The following ZFAND3 variants were observed in gnomAD, a reference collection of about 807,000 sequenced individuals.
ZFAND3 encodes the protein zinc finger AN1-type containing 3, also known as AN1-type zinc finger protein 3.
Under a neutral mutation model 29.6 loss-of-function variants are expected in ZFAND3, and 10 were observed. The ratio of observed to expected loss-of-function variants is 0.34; its 90% CI spans 0.21 to 0.57. The LOEUF is 0.57. Ranked by LOEUF, ZFAND3 falls within the 20% of genes least tolerant of loss-of-function variation. The pLI, the probability that ZFAND3 is intolerant of heterozygous loss-of-function variation, is 0.86. For missense variants in ZFAND3, 230 were observed against 304.5 expected, an observed-to-expected ratio of 0.76 and a Z score of 1.82; for synonymous variants, 128 against 112.6, an observed-to-expected ratio of 1.14 and a Z score of -0.87.
chr6:38,095,840 T>C (rs1764966416), intron 4 of ZFAND3, among the ~76,000 whole-genome samples: 2 of 152,132 alleles, frequency 1.3e-5, no homozygotes. Flanking sequence ...GAGACCAGCC[T>C]GGGCAACATG....
rs969421861 is a variant in ZFAND3 at position 38,010,432 on chromosome 6, G to A, written c.113-51161G>A. 1.2e-4 allele frequency among the ~76,000 whole-genome samples: 18 copies of A among 152,064 alleles called. 1 individual carries two copies. The highest frequency in any genetic ancestry group is 4.1e-4 in the African/African-American group (17 of 41,382). ...GGAGCCATTGTACAGGACTTTAACT[G>A]GGATTTTGAAAGTTTATATCTAACA... On this transcript the variant is annotated intron_variant, in intron 2 of 5. Coordinates refer to ENST00000287218, the MANE Select transcript of ZFAND3 (RefSeq NM_021943.3).
chr6:38,059,694 A>G (rs966481046), intron 2 of ZFAND3, among the ~76,000 whole-genome samples: 1 of 152,148 alleles, frequency 6.6e-6, no homozygotes, highest in African/African-American at 2.4e-5. Context: ...CCTGGCCAAC[A>G]TGATGAAACT....
intron 1 of ZFAND3, among the ~76,000 whole-genome samples, chr6:37,850,120 C>T (rs967140695): frequency 1.2e-4 from 18 of 152,274 alleles, no homozygotes; most frequent in South Asian, 4.1e-4. Flanking sequence ...GGAGGTCTGT[C>T]TTGTAGCCCT....
intron 2 of ZFAND3, among the ~76,000 whole-genome samples, chr6:38,028,373 A>G (rs1364045902): frequency 6.6e-6 from 1 of 152,146 alleles, no homozygotes; most frequent in Non-Finnish European, 1.5e-5. Flanking sequence ...TACACATTAC[A>G]CCAAATTTTC....
At chr6:37,943,119 G>A (rs1761840627) in intron 2 of ZFAND3, among the ~76,000 whole-genome samples, 1 of 152,114 alleles carries the variant, frequency 6.6e-6, no homozygotes, top group Admixed American at 6.5e-5. Flanking sequence ...GAAAAATGAT[G>A]TCTGTAGTAG....
intron 2 of ZFAND3, among the ~76,000 whole-genome samples, chr6:38,044,925 A>G (rs1401290341): frequency 1.3e-5 from 2 of 152,042 alleles, no homozygotes; most frequent in Non-Finnish European, 2.9e-5. Context: ...CTAGCCTCCA[A>G]AGCGTCTTCT....
intron 4 of ZFAND3, among the ~76,000 whole-genome samples, chr6:38,095,382 A>G (rs1016792324): frequency 2.6e-5 from 4 of 152,208 alleles, no homozygotes; most frequent in African/African-American, 9.6e-5. Context: ...TATTTGCATT[A>G]TAGCTTTTTA....
intron 2 of ZFAND3, among the ~76,000 whole-genome samples, chr6:37,983,652 C>T (rs887565098): frequency 1.3e-5 from 2 of 152,164 alleles, no homozygotes; most frequent in African/African-American, 2.4e-5. Context: ...AGCCACCCCC[C>T]ACCCCTGGCC....
intron 2 of ZFAND3, among the ~76,000 whole-genome samples, chr6:38,027,383 T>C (rs1230171322): frequency 6.6e-6 from 1 of 152,256 alleles, no homozygotes; most frequent in Non-Finnish European, 1.5e-5. Flanking sequence ...CCAAAGAGCT[T>C]TGACTAGCCT....
At chr6:38,105,311 G>GGGA (rs1419849951) in intron 4 of ZFAND3, among the ~76,000 whole-genome samples, 1 of 152,134 alleles carries the variant, frequency 6.6e-6, no homozygotes, top group East Asian at 1.9e-4. Context: ...AGAAGCTGAG[G>GGGA]GGAGGATCGC....
Position 38,153,529 on chromosome 6 carries a change from AG to A in ZFAND3, c.*1141del. 3.0e-6 allele frequency: 3 copies of A among 985,622 alleles called. No individual in the cohort carries two copies. Among genetic ancestry groups the A allele is most frequent in the Non-Finnish European group, 3.6e-6 (3 of 830,028 alleles). 61.1% of individuals were successfully genotyped at this position (985,622 alleles called of 1,614,324 possible). On this transcript the variant is annotated 3_prime_UTR_variant, in exon 6 of 6. Transcript: ENST00000287218. ...AGGGACAGTGGGTTTGGATCTGTCT[AG>A]AACAGCGGTTTGTGGCTGTGGCCCA...
chr6:38,090,433 C>T (rs959874574), intron 4 of ZFAND3, among the ~76,000 whole-genome samples: 3 of 152,080 alleles, frequency 2.0e-5, no homozygotes, highest in Non-Finnish European at 2.9e-5. Flanking sequence ...AAATGTTTTA[C>T]CTTATGCACT....
chr6:38,002,335 G>A (rs1441429772), intron 2 of ZFAND3, among the ~76,000 whole-genome samples: 1 of 145,870 alleles, frequency 6.9e-6, no homozygotes, highest in Admixed American at 6.9e-5. Context: ...TGTTTCCCAG[G>A]TTTACTTTTT....
At chr6:37,969,476 CAGAA>C (rs1163697319) in intron 2 of ZFAND3, among the ~76,000 whole-genome samples, 6 of 152,182 alleles carry the variant, frequency 3.9e-5, no homozygotes, top group East Asian at 1.9e-4. Context: ...AATCATGTAA[CAGAA>C]AGCCTATTTT....
At chr6:37,820,987 C>T (rs1182366415) in intron 1 of ZFAND3, among the ~76,000 whole-genome samples, 8 of 152,152 alleles carry the variant, frequency 5.3e-5, no homozygotes. Flanking sequence ...TGAAGGCTGG[C>T]TTTTGTGATT....
chr6:38,041,631 T>TCTTCTTCTTCTTC (rs1554169126), intron 2 of ZFAND3, among the ~76,000 whole-genome samples: 1 of 56,196 alleles, frequency 1.8e-5, no homozygotes, highest in African/African-American at 5.5e-5. Flanking sequence ...TTATCTACTT[T>TCTTCTTCTTCTTC]TTCTTCTTCT....
intron 2 of ZFAND3, among the ~76,000 whole-genome samples, chr6:37,951,136 T>C (rs1253696542): frequency 1.3e-5 from 2 of 152,210 alleles, no homozygotes; most frequent in Non-Finnish European, 2.9e-5. Flanking sequence ...TTGTGACTAC[T>C]ATAGAAATGG....
intron 1 of ZFAND3, among the ~76,000 whole-genome samples, chr6:37,833,695 G>A (rs1344562841): frequency 6.6e-6 from 1 of 151,668 alleles, no homozygotes; most frequent in Admixed American, 6.6e-5. Context: ...GCGTGGTGGC[G>A]AGCGTCTGTA....
chr6:37,989,056 G>A (rs1010642782), intron 2 of ZFAND3, among the ~76,000 whole-genome samples: 1 of 152,050 alleles, frequency 6.6e-6, no homozygotes, highest in Admixed American at 6.6e-5. Context: ...ACAGGCACCT[G>A]CCACCATGCC....
Sources: allele counts gnomAD v4.1 joint callset (sites outside exome capture counted in the v4.1 genomes callset), GRCh38; gene constraint gnomAD v4.1.1; transcripts MANE v1.5; gene names NCBI Gene and HGNC (gene_info 2026-07-23, HGNC 2026-07-21).